Variants in CNTNAP2 observed in about 807,000 individuals in gnomAD.
CNTNAP2 encodes the protein contactin-associated protein-like 2.
Under a neutral mutation model 155.2 loss-of-function variants are expected in CNTNAP2, and 98 were observed. The ratio of observed to expected loss-of-function variants is 0.63; its 90% CI spans 0.54 to 0.75. The LOEUF is 0.75. CNTNAP2 is among the 30% of genes least tolerant of loss of function. CNTNAP2 has a pLI of 0.00. For missense variants in CNTNAP2, 1,727 were observed against 1,688.1 expected, an observed-to-expected ratio of 1.02 and a Z score of -0.40; for synonymous variants, 651 against 631.2, an observed-to-expected ratio of 1.03 and a Z score of -0.47.
At chr7:147,607,511 A>G (rs1228959440) in intron 12 of CNTNAP2, among the ~76,000 whole-genome samples, 6 of 152,148 alleles carry the variant, frequency 3.9e-5, no homozygotes, top group Non-Finnish European at 5.9e-5. Flanking sequence ...AAGCAATGAG[A>G]AAGGGTCACA....
chr7:148,140,502 C>T (rs1354592118), intron 16 of CNTNAP2, among the ~76,000 whole-genome samples: 1 of 151,428 alleles, frequency 6.6e-6, no homozygotes, highest in Non-Finnish European at 1.5e-5. Flanking sequence ...CGGCTCACCA[C>T]AACCTCCACC....
At chr7:147,597,743 C>G (rs1584842459) in intron 12 of CNTNAP2, among the ~76,000 whole-genome samples, 1 of 152,296 alleles carries the variant, frequency 6.6e-6, no homozygotes, top group Admixed American at 6.5e-5. Context: ...TTAAAAAGCA[C>G]TTGGGGCTGG....
chr7:147,883,609 C>T (rs562146222), intron 13 of CNTNAP2, among the ~76,000 whole-genome samples: 1 of 152,222 alleles, frequency 6.6e-6, no homozygotes, highest in South Asian at 2.1e-4. Flanking sequence ...TCAACTGACA[C>T]TGGGAGAAAC....
At chr7:146,143,773 T>TA (rs1362985144) in intron 1 of CNTNAP2, among the ~76,000 whole-genome samples, 1 of 152,124 alleles carries the variant, frequency 6.6e-6, no homozygotes, top group Non-Finnish European at 1.5e-5. Flanking sequence ...TAATTTATTT[T>TA]TTTTTTTGAA....
chr7:146,161,795 T>C (rs2116800138), intron 1 of CNTNAP2, among the ~76,000 whole-genome samples: 1 of 152,296 alleles, frequency 6.6e-6, no homozygotes, highest in South Asian at 2.1e-4. Flanking sequence ...AACAGCATGG[T>C]ACTGGTACCA....
At chr7:147,399,272 G>C (rs1053995642) in intron 10 of CNTNAP2, among the ~76,000 whole-genome samples, 4 of 152,140 alleles carry the variant, frequency 2.6e-5, no homozygotes, top group Non-Finnish European at 5.9e-5. Flanking sequence ...TCTAAATAGA[G>C]CAACATGATG....
intron 16 of CNTNAP2, among the ~76,000 whole-genome samples, chr7:148,120,393 A>G (rs572396548): frequency 6.6e-6 from 1 of 151,820 alleles, no homozygotes; most frequent in African/African-American, 2.4e-5. Context: ...CAGCCTCCCA[A>G]GTAGCTGGGA....
intron 1 of CNTNAP2, among the ~76,000 whole-genome samples, chr7:146,535,213 GATATT>G (rs1350596846): frequency 5.9e-5 from 1 of 17,024 alleles, no homozygotes; most frequent in African/African-American, 5.0e-4. Context: ...TCATATATAT[GATATT>G]ATATCATATA....
At position 148,383,764 on chromosome 7, in the gene CNTNAP2, A is replaced by C; in HGVS notation, c.3591A>C (p.Thr1197=). 8 of 1,614,186 alleles carry C rather than the reference A, an allele frequency of 5.0e-6. No individual in the cohort carries two copies. Among genetic ancestry groups the C allele is most frequent in the Non-Finnish European group, 6.8e-6 (8 of 1,180,046 alleles). ...CTCTCAAGGCCGCCTTGAGGCAGAC[A>C]AACGCCTCGGCTCACGTCCACATCC... The part of the protein sequence containing the change: ...IAPLKAALRQ[T]NASAHVHIQG... Residue 1197 remains threonine, a synonymous_variant, in exon 22 of 24, where the codon ACA becomes ACC. Coordinates refer to ENST00000361727, the MANE Select transcript of CNTNAP2 (RefSeq NM_014141.6).
intron 15 of CNTNAP2, among the ~76,000 whole-genome samples, chr7:148,065,603 C>G (rs1459357093): frequency 6.6e-6 from 1 of 152,140 alleles, no homozygotes; most frequent in African/African-American, 2.4e-5. Context: ...ATATGAATAG[C>G]TACTCCTGCT....
intron 13 of CNTNAP2, among the ~76,000 whole-genome samples, chr7:147,771,249 GA>G (rs1351183741): frequency 7.2e-5 from 11 of 152,230 alleles, no homozygotes; most frequent in African/African-American, 2.6e-4. Context: ...AAAGCTTTTA[GA>G]AGATAATATA....
At chr7:146,669,440 T>C (rs2533082) in intron 1 of CNTNAP2, among the ~76,000 whole-genome samples, 123,117 of 152,196 alleles carry the variant, frequency 0.81, 50,406 homozygotes, top group South Asian at 0.91. Context: ...CTAAGAAGCA[T>C]ATTTATTTAA....
intron 1 of CNTNAP2, among the ~76,000 whole-genome samples, chr7:146,596,715 A>G (rs967455645): frequency 6.6e-6 from 1 of 151,742 alleles, no homozygotes; most frequent in Non-Finnish European, 1.5e-5. Flanking sequence ...CTACAGGTTC[A>G]GGGGCCAGAC....
chr7:147,097,014 T>C (rs1220197179), intron 4 of CNTNAP2, among the ~76,000 whole-genome samples: 2 of 152,206 alleles, frequency 1.3e-5, no homozygotes, highest in Non-Finnish European at 2.9e-5. Context: ...CAAAGGTATG[T>C]GAAATCAAAC....
chr7:146,802,186 TG>T (rs1802890243), intron 2 of CNTNAP2, among the ~76,000 whole-genome samples: 1 of 152,040 alleles, frequency 6.6e-6, no homozygotes, highest in African/African-American at 2.4e-5. Flanking sequence ...TATCATGAGG[TG>T]GAAGTGGATG....
intron 3 of CNTNAP2, among the ~76,000 whole-genome samples, chr7:146,999,305 TAACA>T (rs1458976549): frequency 6.6e-6 from 1 of 151,232 alleles, no homozygotes; most frequent in African/African-American, 2.4e-5. Context: ...GACTCCTCCC[TAACA>T]GTTTGAATTT....
intron 12 of CNTNAP2, among the ~76,000 whole-genome samples, chr7:147,583,735 A>G (rs1323349850): frequency 6.6e-6 from 1 of 152,092 alleles, no homozygotes; most frequent in African/African-American, 2.4e-5. Context: ...CTATAAGTCA[A>G]CATTATAAAA....
chr7:147,315,640 C>T (rs573057019), intron 9 of CNTNAP2, among the ~76,000 whole-genome samples: 1 of 151,988 alleles, frequency 6.6e-6, no homozygotes, highest in East Asian at 1.9e-4. Context: ...CGCCACACGC[C>T]CGGCTAATTT....
chr7:148,029,256 T>C (rs994861651), intron 15 of CNTNAP2, among the ~76,000 whole-genome samples: 38 of 152,324 alleles, frequency 2.5e-4, no homozygotes, highest in Non-Finnish European at 7.4e-5. Context: ...CTATGCTTAA[T>C]GTCAGTGATA....
Sources: allele counts gnomAD v4.1 joint callset (sites outside exome capture counted in the v4.1 genomes callset), GRCh38; gene constraint gnomAD v4.1.1; transcripts MANE v1.5; gene names NCBI Gene and HGNC (gene_info 2026-07-23, HGNC 2026-07-21).